PRKG1: variants seen among roughly 807,000 people sequenced by gnomAD.
The protein encoded by PRKG1 is protein kinase cGMP-dependent 1, also known as cGMP-dependent protein kinase 1.
Under a neutral mutation model 88.1 loss-of-function variants are expected in PRKG1, and 35 were observed. That is an observed-to-expected ratio of 0.40 (90% CI 0.30 to 0.53). The LOEUF is 0.53. Among genes scored for constraint, PRKG1 ranks in the 20% least tolerant of loss-of-function variants. The pLI is 0.59. For synonymous variants in PRKG1, 303 were observed against 292.5 expected (o/e 1.04, Z -0.37); for missense variants, 540 against 839.8 (o/e 0.64, Z 4.41).
At chr10:51,575,716 A>AT (rs138375315) in intron 3 of PRKG1, among the ~76,000 whole-genome samples, 11,183 of 151,800 alleles carry the variant, frequency 0.074, 1,378 homozygotes, top group African/African-American at 0.25. Flanking sequence ...TGGCTTCATC[A>AT]TTTTTTTAAC....
chr10:51,616,815 G>C (rs1163065863), intron 3 of PRKG1, among the ~76,000 whole-genome samples: 1 of 152,138 alleles, frequency 6.6e-6, no homozygotes, highest in Non-Finnish European at 1.5e-5. Flanking sequence ...TGGAAGTATT[G>C]TAAGTTGGTG....
chr10:51,167,385 G>A (rs1369862531), intron 2 of PRKG1, among the ~76,000 whole-genome samples: 1 of 152,156 alleles, frequency 6.6e-6, no homozygotes, highest in Non-Finnish European at 1.5e-5. Flanking sequence ...AAAACATGAG[G>A]CCAGGTTGGA....
At chr10:51,906,212 C>A (rs1040209958) in intron 4 of PRKG1, among the ~76,000 whole-genome samples, 1 of 152,082 alleles carries the variant, frequency 6.6e-6, no homozygotes, top group African/African-American at 2.4e-5. Flanking sequence ...CTTGAAGGAA[C>A]CTGGTGACAG....
At chr10:51,072,151 C>T (rs1215867295), upstream of PRKG1, among the ~76,000 whole-genome samples, 5 of 152,074 alleles carry the variant, frequency 3.3e-5, no homozygotes, top group African/African-American at 1.2e-4. Flanking sequence ...GCTGAGATTG[C>T]GCCACTGCAC....
intron 1 of PRKG1, among the ~76,000 whole-genome samples, chr10:51,123,797 A>T (rs1426883334): frequency 6.6e-6 from 1 of 152,122 alleles, no homozygotes; most frequent in African/African-American, 2.4e-5. Context: ...ACATGGTGGC[A>T]TATGCTTCTG....
intron 9 of PRKG1, among the ~76,000 whole-genome samples, chr10:52,188,238 A>C (rs865925188): frequency 3.9e-4 from 1 of 2,566 alleles, no homozygotes; most frequent in Non-Finnish European, 2.3e-3. Context: ...ATGTATATAT[A>C]TACATATATA....
intron 3 of PRKG1, among the ~76,000 whole-genome samples, chr10:51,727,300 A>AT (rs1256413515): frequency 1.4e-4 from 20 of 144,910 alleles, no homozygotes; most frequent in Middle Eastern, 7.2e-3. Context: ...ATATATATAT[A>AT]TTTTTTTTAC....
At chr10:52,167,583 C>T (rs1015872100) in intron 9 of PRKG1, among the ~76,000 whole-genome samples, 1 of 150,308 alleles carries the variant, frequency 6.7e-6, no homozygotes, top group African/African-American at 2.4e-5. Flanking sequence ...CTTGTTGATT[C>T]AATGTATTTT....
chr10:51,835,540 A>G (rs1422825039), intron 4 of PRKG1, among the ~76,000 whole-genome samples: 2 of 152,354 alleles, frequency 1.3e-5, no homozygotes, highest in South Asian at 2.1e-4. Flanking sequence ...GGTTGAATAA[A>G]GTAATCCAGA....
intron 3 of PRKG1, among the ~76,000 whole-genome samples, chr10:51,508,576 T>G (rs923299368): frequency 1.3e-5 from 2 of 152,162 alleles, no homozygotes; most frequent in Non-Finnish European, 2.9e-5. Context: ...CCTTAAATCT[T>G]TTGCTACAGC....
intron 3 of PRKG1, among the ~76,000 whole-genome samples, chr10:51,635,271 C>T (rs908608717): frequency 1.6e-4 from 21 of 134,706 alleles, no homozygotes; most frequent in African/African-American, 6.0e-4. Flanking sequence ...ATGTGATGAC[C>T]TTAATTATTT....
intron 4 of PRKG1, among the ~76,000 whole-genome samples, chr10:51,815,242 C>T (rs1296027195): frequency 6.6e-6 from 1 of 152,150 alleles, no homozygotes; most frequent in Non-Finnish European, 1.5e-5. Context: ...TGTAGTAAGG[C>T]TTATTTTATT....
chr10:50,994,531 C>T (rs1189545708), intron 1 of PRKG1, among the ~76,000 whole-genome samples: 1 of 151,742 alleles, frequency 6.6e-6, no homozygotes, highest in Admixed American at 6.6e-5. Flanking sequence ...CTGCCTCAGC[C>T]TCCCGAGTAC....
chr10:52,089,113 T>A (rs149826459), intron 7 of PRKG1, among the ~76,000 whole-genome samples: 21 of 152,320 alleles, frequency 1.4e-4, no homozygotes, highest in African/African-American at 5.1e-4. Flanking sequence ...GAAATTATGT[T>A]AAATATCTGG....
At chr10:51,788,930 C>T (rs540777523) in intron 3 of PRKG1, among the ~76,000 whole-genome samples, 2 of 152,230 alleles carry the variant, frequency 1.3e-5, no homozygotes, top group Non-Finnish European at 2.9e-5. Context: ...GGCATATGTA[C>T]ACTGTTTGCA....
chr10:51,763,879 G>A (rs1838089040), intron 3 of PRKG1, among the ~76,000 whole-genome samples: 1 of 152,162 alleles, frequency 6.6e-6, no homozygotes. Flanking sequence ...ACATGGTGAG[G>A]AGACTAGCTT....
chr10:51,165,218 G>T (rs1277451360), intron 2 of PRKG1, among the ~76,000 whole-genome samples: 1 of 152,182 alleles, frequency 6.6e-6, no homozygotes, highest in Admixed American at 6.5e-5. Flanking sequence ...AACTCTACAA[G>T]CCAGAAGAGA....
chr10:51,704,163 A>G (rs1019760231), intron 3 of PRKG1, among the ~76,000 whole-genome samples: 1 of 150,512 alleles, frequency 6.6e-6, no homozygotes, highest in Non-Finnish European at 1.5e-5. Flanking sequence ...AAAAAATTAA[A>G]TAAATAAATA....
intron 2 of PRKG1, among the ~76,000 whole-genome samples, chr10:51,193,079 G>A (rs1837670842): frequency 6.6e-6 from 1 of 152,004 alleles, no homozygotes; most frequent in Non-Finnish European, 1.5e-5. Context: ...CTTTACTAGG[G>A]AAATTCATAC....
Sources: allele counts gnomAD v4.1 joint callset (sites outside exome capture counted in the v4.1 genomes callset), GRCh38; gene constraint gnomAD v4.1.1; transcripts MANE v1.5; gene names NCBI Gene and HGNC (gene_info 2026-07-23, HGNC 2026-07-21).